Variants in MGST2 observed in about 807,000 individuals in gnomAD.
The protein encoded by MGST2 is microsomal glutathione S-transferase 2.
A neutral mutation model predicts 16.6 loss-of-function variants in MGST2; 9 were observed. That is an observed-to-expected ratio of 0.54 (90% CI 0.33 to 0.95). The LOEUF is 0.95. MGST2 is among the 40% of genes least tolerant of loss of function. MGST2 has a pLI of 0.03. For missense variants in MGST2, 159 were observed against 175.1 expected (o/e 0.91, Z 0.52); for synonymous variants, 79 against 68.0 (o/e 1.16, Z -0.79).
chr4:139,717,043 ATATATT>A (rs1285871925), intron 5 of MGST2: 2 of 152,502 alleles, frequency 1.3e-5, no homozygotes, highest in Non-Finnish European at 2.9e-5. Flanking sequence ...AACAGTATAT[ATATATT>A]TATATGTATA....
At chr4:139,676,842 C>CAAAT (rs897356039) in intron 1 of MGST2, among the ~76,000 whole-genome samples, 1 of 152,176 alleles carries the variant, frequency 6.6e-6, no homozygotes, top group African/African-American at 2.4e-5. Context: ...GACAGATTTT[C>CAAAT]AAATGGCCCT....
intron 1 of MGST2, among the ~76,000 whole-genome samples, chr4:139,667,497 G>A (rs1022354164): frequency 1.4e-5 from 2 of 138,272 alleles, no homozygotes; most frequent in Admixed American, 1.5e-4. Context: ...TGGAGTGGGG[G>A]TAGGGGTGGG....
At chr4:139,725,835 G>T in intron 5 of MGST2, 1 of 1,613,656 alleles carries the variant, frequency 6.2e-7, no homozygotes, top group Middle Eastern at 1.7e-4. Flanking sequence ...TGCTGCAACT[G>T]CTAGAACAAC....
intron 1 of MGST2, among the ~76,000 whole-genome samples, chr4:139,673,446 C>G (rs1398235190): frequency 6.6e-6 from 1 of 152,130 alleles, no homozygotes; most frequent in African/African-American, 2.4e-5. Context: ...GGGTCTTGCT[C>G]TGTCACCCAG....
intron 1 of MGST2, among the ~76,000 whole-genome samples, chr4:139,677,851 G>A (rs547152617): frequency 6.6e-6 from 1 of 152,246 alleles, no homozygotes; most frequent in South Asian, 2.1e-4. Flanking sequence ...ATGAGCAGAG[G>A]GTGACTTTCT....
chr4:139,678,818 G>T, intron 2 of MGST2, 176 bp downstream of exon 2: 1 of 654,188 alleles, frequency 1.5e-6, no homozygotes, highest in East Asian at 2.7e-5. Context: ...AAGGGTTCGG[G>T]GCATGAAGTC....
chr4:139,687,362 C>T (rs1371674924), intron 2 of MGST2, among the ~76,000 whole-genome samples: 1 of 152,174 alleles, frequency 6.6e-6, no homozygotes, highest in Non-Finnish European at 1.5e-5. Flanking sequence ...TAAATCGGGC[C>T]AAACCAAATC....
chr4:139,725,249 T>A (rs1254592046), intron 5 of MGST2, among the ~76,000 whole-genome samples: 2 of 152,192 alleles, frequency 1.3e-5, no homozygotes, highest in Non-Finnish European at 2.9e-5. Flanking sequence ...CAAAAGAGAC[T>A]AGTGGTTGTT....
At chr4:139,739,098 T>C (rs1729064437) in intron 5 of MGST2, among the ~76,000 whole-genome samples, 2 of 152,126 alleles carry the variant, frequency 1.3e-5, no homozygotes, top group Non-Finnish European at 2.9e-5. Context: ...TGCAGCAAAA[T>C]ACAGATTTAC....
downstream of MGST2, among the ~76,000 whole-genome samples, chr4:139,707,588 G>A (rs1415734498): frequency 6.6e-6 from 1 of 151,980 alleles, no homozygotes; most frequent in Non-Finnish European, 1.5e-5. Flanking sequence ...GGATGGCTGG[G>A]TCAAATGGTA....
intron 1 of MGST2, among the ~76,000 whole-genome samples, chr4:139,678,253 C>T (rs1199311588): frequency 6.6e-6 from 1 of 152,170 alleles, no homozygotes. Context: ...TAGGGAAATA[C>T]CTATGAATGG....
In MGST2 at chr4:139,692,620, TGAG is replaced by T. The variant is rs1238909779; in HGVS notation, c.159-2574_159-2572del. ...ATCTGGAATCTCACCAAGTTTTTCA[TGAG>T]GACGATCCGTCAGCATCTGTTCTGG... is the stretch of plus-strand genomic sequence containing the variant. On this transcript the variant is annotated intron_variant, in intron 2 of 4. Coordinates refer to ENST00000265498, the MANE Select transcript of MGST2 (RefSeq NM_002413.5). Among the ~76,000 whole-genome samples the T allele has an allele frequency of 7.2e-5, 11 of 152,378 alleles. No homozygotes were observed. The East Asian group carries it at 2.1e-3, about 29-fold the overall frequency.
chr4:139,746,579 G>A, the MGST2 span, among the ~76,000 whole-genome samples: 1 of 152,138 alleles, frequency 6.6e-6, no homozygotes, highest in Non-Finnish European at 1.5e-5. Context: ...GGGAGGGGCT[G>A]CAAATCTCCC....
intron 2 of MGST2, among the ~76,000 whole-genome samples, chr4:139,682,326 T>G (rs1192976844): frequency 1.3e-5 from 2 of 151,750 alleles, no homozygotes; most frequent in Non-Finnish European, 2.9e-5. Flanking sequence ...GGGTGGTCTG[T>G]GATATACAAT....
intron 5 of MGST2, among the ~76,000 whole-genome samples, chr4:139,731,876 G>A (rs897475554): frequency 2.0e-5 from 3 of 152,164 alleles, no homozygotes; most frequent in African/African-American, 7.2e-5. Flanking sequence ...TGAATGGGAA[G>A]AAAAGGTGTG....
chr4:139,699,155 T>C (rs1364213314), intron 3 of MGST2, among the ~76,000 whole-genome samples: 1 of 152,276 alleles, frequency 6.6e-6, no homozygotes, highest in African/African-American at 2.4e-5. Context: ...CATCACCTTT[T>C]AAGCAGATAC....
chr4:139,725,147 C>T (rs889382518), intron 5 of MGST2, among the ~76,000 whole-genome samples: 6 of 152,158 alleles, frequency 3.9e-5, no homozygotes, highest in African/African-American at 1.4e-4. Flanking sequence ...ACATACAGTG[C>T]GCCCACTGCT....
At chr4:139,684,053 G>A (rs754545595) in intron 2 of MGST2, among the ~76,000 whole-genome samples, 18 of 151,232 alleles carry the variant, frequency 1.2e-4, no homozygotes, top group Non-Finnish European at 1.9e-4. Context: ...AGCCTCCTGC[G>A]TACTGGGACT....
At chr4:139,672,758 C>T (rs950025675) in intron 1 of MGST2, among the ~76,000 whole-genome samples, 2 of 152,186 alleles carry the variant, frequency 1.3e-5, no homozygotes, top group East Asian at 1.9e-4. Flanking sequence ...ACCATGTTGG[C>T]CGGGCTTGTC....
Sources: gnomAD v4.1 joint callset for allele counts (sites outside exome capture counted in the v4.1 genomes callset) on GRCh38, gnomAD v4.1.1 for gene constraint, MANE v1.5 for transcripts, NCBI Gene and HGNC (gene_info 2026-07-23, HGNC 2026-07-21) for gene names.